The following PDS5B variants were observed in gnomAD, a reference collection of about 807,000 sequenced individuals.
The protein encoded by PDS5B is PDS5 cohesin associated factor B.
Under a neutral mutation model 184.1 loss-of-function variants are expected in PDS5B, and 51 were observed. That is an observed-to-expected ratio of 0.28 (90% CI 0.22 to 0.35). PDS5B has a LOEUF of 0.35. Among genes scored for constraint, PDS5B ranks in the 10% least tolerant of loss-of-function variants. The pLI, the probability that PDS5B is intolerant of heterozygous loss-of-function variation, is 1.00. For missense variants in PDS5B, 1,180 were observed against 1,723.3 expected (o/e 0.68, Z 5.58); for synonymous variants, 566 against 569.2 (o/e 0.99, Z 0.08).
intron 1 of PDS5B, among the ~76,000 whole-genome samples, chr13:32,636,333 T>A (rs2058558729): frequency 6.6e-6 from 1 of 152,226 alleles, no homozygotes; most frequent in African/African-American, 2.4e-5. Context: ...TGCTTACGTA[T>A]ATGAAGTATC....
chr13:32,686,257 A>G (rs1359322445), intron 11 of PDS5B, among the ~76,000 whole-genome samples: 2 of 152,228 alleles, frequency 1.3e-5, no homozygotes, highest in Non-Finnish European at 2.9e-5. Flanking sequence ...TTATTTTAAA[A>G]AAAGTTGAAT....
chr13:32,753,356 G>T lies in PDS5B; in HGVS notation c.2761G>T (p.Val921Leu), dbSNP rs770557336. 4.3e-6 allele frequency: 7 copies of T among 1,613,768 alleles called. No individual in the cohort carries two copies. Among genetic ancestry groups the T allele is most frequent in the Non-Finnish European group, 5.9e-6 (7 of 1,179,692 alleles). Reference sequence around the variant, plus strand: ...GGATGAATGCTATCAAGTAAGACAAGTGTTTGCCCAGAAACTTCACAAAGG... The same window carrying T: ...GGATGAATGCTATCAAGTAAGACAATTGTTTGCCCAGAAACTTCACAAAGG... ...INDECYQVRQ[V>L]FAQKLHKGLS... Residue 921 changes from valine (V) to leucine (L), a missense_variant, in exon 25 of 35, where the codon GTG becomes TTG. Physicochemically the swap from Val to Leu is conservative, Grantham distance 32. This residue lies in a region of PDS5B where 40 missense variants were observed against 107.2 expected (regional missense o/e 0.37). Transcript: ENST00000315596.
intron 1 of PDS5B, among the ~76,000 whole-genome samples, chr13:32,611,293 A>G (rs1179318842): frequency 1.1e-4 from 17 of 151,914 alleles, no homozygotes; most frequent in Non-Finnish European, 2.1e-4. Flanking sequence ...CACTAAATTT[A>G]CTTCTTTTAT....
rs972284548 is a variant in PDS5B, at chr13:32,653,091, C to T, written c.312+1084C>T. Among the ~76,000 whole-genome samples the T allele has an allele frequency of 2.0e-5, 3 of 152,124 alleles. No homozygotes were observed. In the South Asian group the frequency reaches 6.2e-4, roughly 32 times the overall value. On this transcript the variant is annotated intron_variant, in intron 3 of 34. Transcript: ENST00000315596. The stretch of plus-strand genomic sequence containing the variant: ...GGCCGATCACCTGAGGTCAGGAGTT[C>T]GAAACCAGCCTGGCCAACATGGTGA...
chr13:32,679,214 T>C (rs1951163627), intron 10 of PDS5B, among the ~76,000 whole-genome samples: 1 of 152,166 alleles, frequency 6.6e-6, no homozygotes, highest in Non-Finnish European at 1.5e-5. Flanking sequence ...TCTTAAAATA[T>C]TGAAGAACAT....
At chr13:32,773,131 G>A (rs890083513) in intron 33 of PDS5B, 58 bp from the exon 34 acceptor site, 377 of 1,427,354 alleles carry the variant, frequency 2.6e-4, no homozygotes, top group Middle Eastern at 1.9e-4. Flanking sequence ...TTCTTCTAAC[G>A]AGGTAATCTA....
chr13:32,740,937 G>T, intron 21 of PDS5B, 143 bp from the exon 22 acceptor site: 1 of 584,798 alleles, frequency 1.7e-6, no homozygotes, highest in Non-Finnish European at 3.1e-6. Flanking sequence ...AGTAAATAGG[G>T]TTAGATGAAG....
intron 6 of PDS5B, among the ~76,000 whole-genome samples, chr13:32,666,927 C>A (rs1228660194): frequency 1.3e-5 from 2 of 151,950 alleles, no homozygotes; most frequent in African/African-American, 4.8e-5. Flanking sequence ...AATTACTTCT[C>A]ATTTACACAA....
At chr13:32,605,320 G>A (rs755323734) in intron 1 of PDS5B, among the ~76,000 whole-genome samples, 4 of 152,006 alleles carry the variant, frequency 2.6e-5, no homozygotes, top group African/African-American at 7.3e-5. Context: ...CCTTCATTTC[G>A]TTAAATGTAC....
chr13:32,699,739 C>T lies in PDS5B; in HGVS notation c.1610C>T (p.Pro537Leu). 6.7e-7 allele frequency: 1 copy of T among 1,494,188 alleles called. No individual in the cohort carries two copies. The highest frequency in any genetic ancestry group is 8.9e-7 in the Non-Finnish European group (1 of 1,127,384). The allele number at this position is 1,494,188 out of a possible 1,614,324, so 92.6% of individuals were successfully genotyped here. A position where few individuals can be genotyped will look rare whatever the true frequency, so the allele number is the denominator to read the frequency against. The change falls in exon 16 of 35, where the codon CCT (proline) becomes CTT (leucine). Residue 537 changes from proline to leucine, a missense_variant. Pro to Leu is a moderately conservative substitution (Grantham distance 98). Coordinates refer to ENST00000315596, the MANE Select transcript of PDS5B (RefSeq NM_015032.4). ...TTTAATTTATTTTAAGGAAATTTACCTGATCCTGGTAAGGCTCAGGATTTC... is the reference window on the plus strand; with the variant it reads ...TTTAATTTATTTTAAGGAAATTTACTTGATCCTGGTAAGGCTCAGGATTTC... ...SKVMVITRNL[P>L]DPGKAQDFMK...
chr13:32,768,689 A>G (rs1051920447), intron 31 of PDS5B, among the ~76,000 whole-genome samples: 14 of 150,952 alleles, frequency 9.3e-5, no homozygotes, highest in Non-Finnish European at 1.5e-5. Flanking sequence ...GCTACTCGGG[A>G]GGCTGAGGCA....
chr13:32,733,262 A>G (rs1198811329), intron 20 of PDS5B, among the ~76,000 whole-genome samples: 1 of 152,204 alleles, frequency 6.6e-6, no homozygotes, highest in Non-Finnish European at 1.5e-5. Flanking sequence ...TCTTTACAAG[A>G]ACCTCTGTAG....
At chr13:32,735,715 C>G (rs1364134970) in intron 21 of PDS5B, among the ~76,000 whole-genome samples, 1 of 152,030 alleles carries the variant, frequency 6.6e-6, no homozygotes, top group Non-Finnish European at 1.5e-5. Flanking sequence ...GTTCTTTTCC[C>G]TACATTGGGA....
Position 32,775,538 on chromosome 13 carries a change from C to G in PDS5B, c.*486C>G. 2.7e-6 allele frequency: 1 copy of G among 370,876 alleles called. No individual in the cohort carries two copies. The highest frequency in any genetic ancestry group is 8.3e-5 in the East Asian group (1 of 12,078). 23.0% of individuals were successfully genotyped at this position (370,876 alleles called of 1,614,324 possible). A position where few individuals can be genotyped will look rare whatever the true frequency, so the allele number is the denominator to read the frequency against. ...AATTGGTGTCATTTTCTTGATGTCA[C>G]TATTTGTTGGAGAGTTAAATGGTCT... On this transcript the variant is annotated 3_prime_UTR_variant, in exon 35 of 35. Coordinates refer to ENST00000315596, the MANE Select transcript of PDS5B (RefSeq NM_015032.4).
intron 1 of PDS5B, among the ~76,000 whole-genome samples, chr13:32,637,933 T>C (rs2058590072): frequency 6.6e-6 from 1 of 152,134 alleles, no homozygotes; most frequent in Admixed American, 6.5e-5. Context: ...TGTTCCCAAT[T>C]GTGTATATTG....
chr13:32,705,315 T>A (rs1951978617), intron 17 of PDS5B, among the ~76,000 whole-genome samples: 3 of 152,092 alleles, frequency 2.0e-5, no homozygotes, highest in Admixed American at 2.0e-4. Flanking sequence ...CTACTGAAAA[T>A]ATGGAAAGGA....
At chr13:32,683,794 G>T in intron 10 of PDS5B, 84 bp from the exon 11 acceptor site, 2 of 844,332 alleles carry the variant, frequency 2.4e-6, no homozygotes, top group South Asian at 1.7e-5. Context: ...GTTTTGCTAG[G>T]GCTTATTTTC....
intron 1 of PDS5B, among the ~76,000 whole-genome samples, chr13:32,622,400 A>G (rs2058314797): frequency 1.3e-5 from 2 of 152,068 alleles, no homozygotes; most frequent in African/African-American, 4.8e-5. Flanking sequence ...AGTCAGGAAT[A>G]TGTGGTGGGT....
At chr13:32,738,459 A>C (rs1264879736) in intron 21 of PDS5B, among the ~76,000 whole-genome samples, 1 of 152,184 alleles carries the variant, frequency 6.6e-6, no homozygotes, top group East Asian at 1.9e-4. Flanking sequence ...TTGTGTGTCT[A>C]GTCACCATTC....
Sources: allele counts gnomAD v4.1 joint callset (sites outside exome capture counted in the v4.1 genomes callset), GRCh38; gene constraint gnomAD v4.1.1; regional missense constraint gnomAD v4.1.1; transcripts MANE v1.5; gene names NCBI Gene and HGNC (gene_info 2026-07-23, HGNC 2026-07-21).